Variants in CT47C1 observed in about 807,000 individuals in gnomAD.
CT47C1 encodes the protein cancer/testis antigen family 47 member A11 pseudogene.
chrX:119,073,248 A>T, the CT47C1 span: 1 of 490,671 alleles, frequency 2.0e-6, no homozygotes, highest in Non-Finnish European at 3.6e-6. Context: ...GGGGATCAAG[A>T]CCTGATCCAA....
the CT47C1 span, chrX:119,073,433 G>A: frequency 9.7e-6 from 5 of 516,622 alleles, no homozygotes; most frequent in Admixed American, 5.2e-5. Flanking sequence ...CGCAGCCCCC[G>A]GGGGTGGGAA....
chrX:119,075,864 C>T, the CT47C1 span, among the ~76,000 whole-genome samples: 2 of 110,261 alleles, frequency 1.8e-5, no homozygotes, highest in Non-Finnish European at 3.8e-5. Context: ...GCTGTTAAAG[C>T]TTGAGAGATT....
chrX:119,073,994 G>A, the CT47C1 span: 3 of 675,425 alleles, frequency 4.4e-6, no homozygotes, highest in South Asian at 4.9e-5. Flanking sequence ...AGAGGAGGCC[G>A]CAGAGGAACC....
chrX:119,073,737 T>C, the CT47C1 span: 1 of 772,890 alleles, frequency 1.3e-6, no homozygotes, highest in East Asian at 3.4e-5. Flanking sequence ...GAGCCCCGGC[T>C]GTTGCTGGTG....
chrX:119,073,670 A>T, the CT47C1 span: 1 of 581,949 alleles, frequency 1.7e-6, no homozygotes. Context: ...CCTGATCAGG[A>T]TGCGTGGCGG....
the CT47C1 span, chrX:119,073,208 G>A: frequency 4.2e-6 from 2 of 474,500 alleles, no homozygotes; most frequent in Non-Finnish European, 7.4e-6. Flanking sequence ...CACTCCAGTT[G>A]AGGCACTGAC....
the CT47C1 span, among the ~76,000 whole-genome samples, chrX:119,075,392 C>T: frequency 8.9e-6 from 1 of 111,898 alleles, no homozygotes; most frequent in Non-Finnish European, 1.9e-5. Flanking sequence ...TGTATCAGAC[C>T]TACTACCTAA....
At chrX:119,074,693 A>G in the CT47C1 span, among the ~76,000 whole-genome samples, 1,179 of 111,049 alleles carry the variant, frequency 0.011, 18 homozygotes, top group African/African-American at 0.036. Flanking sequence ...TCTCCAAAGA[A>G]CTAGAAATAA....
At chrX:119,074,545 T>A in the CT47C1 span, among the ~76,000 whole-genome samples, 1 of 111,415 alleles carries the variant, frequency 9.0e-6, no homozygotes, top group African/African-American at 3.3e-5. Context: ...GGGCCCTTGG[T>A]AAAAATGAAA....
chrX:119,073,122 C>T, the CT47C1 span: 1 of 410,171 alleles, frequency 2.4e-6, no homozygotes, highest in Non-Finnish European at 4.2e-6. Flanking sequence ...TCTCAGCAGC[C>T]CAGCCCCTCA....
chrX:119,074,484 A>G, the CT47C1 span, among the ~76,000 whole-genome samples: 1 of 111,258 alleles, frequency 9.0e-6, no homozygotes, highest in African/African-American at 3.3e-5. Context: ...ATGGCTTTTC[A>G]AAGTGTAAAG....
At chrX:119,075,710 G>A in the CT47C1 span, among the ~76,000 whole-genome samples, 2 of 108,842 alleles carry the variant, frequency 1.8e-5, no homozygotes, top group Admixed American at 1.9e-4. Context: ...ATATTTAAAT[G>A]GTTAACATTT....
At chrX:119,073,288 G>A in the CT47C1 span, 2 of 504,952 alleles carry the variant, frequency 4.0e-6, no homozygotes, top group Admixed American at 5.6e-5. Flanking sequence ...TGAACCAGGA[G>A]GGAGCGCAGG....
chrX:119,073,501 TGAGGAGGAGGAA>T, the CT47C1 span: 1 of 509,693 alleles, frequency 2.0e-6, no homozygotes, highest in Admixed American at 2.7e-5. Flanking sequence ...AGGAGGAGGA[TGAGGAGGAGGAA>T]GAGGAGGAGG....
At chrX:119,074,142 A>G in the CT47C1 span, 1 of 459,750 alleles carries the variant, frequency 2.2e-6, no homozygotes, top group East Asian at 3.4e-5. Context: ...GGTTCCAGGC[A>G]GGGCCGCGGT....
At chrX:119,073,335 G>A in the CT47C1 span, 2 of 524,072 alleles carry the variant, frequency 3.8e-6, no homozygotes, top group Non-Finnish European at 6.8e-6. Context: ...GGTGACTCTG[G>A]CCCCGACAGT....
the CT47C1 span, among the ~76,000 whole-genome samples, chrX:119,076,076 A>G: frequency 8.9e-6 from 1 of 112,853 alleles, no homozygotes; most frequent in Admixed American, 9.3e-5. Context: ...GCAGATATAC[A>G]CAGAGCTGGC....
At chrX:119,074,843 A>T in the CT47C1 span, 1 of 820,225 alleles carries the variant, frequency 1.2e-6, no homozygotes, top group Non-Finnish European at 1.7e-6. Flanking sequence ...TTTCTTAGTT[A>T]AGTCTATCCT....
chrX:119,075,006 T>A, the CT47C1 span: 1 of 1,076,964 alleles, frequency 9.3e-7, no homozygotes, highest in Non-Finnish European at 1.3e-6. Context: ...AGGCCCAAGA[T>A]GCTGCAGGCA....
Sources: allele counts gnomAD v4.1 joint callset (sites outside exome capture counted in the v4.1 genomes callset), GRCh38; gene constraint gnomAD v4.1.1; transcripts MANE v1.5; gene names NCBI Gene and HGNC (gene_info 2026-07-23, HGNC 2026-07-21).